CNTN3: variants seen among roughly 807,000 people sequenced by gnomAD.
The protein encoded by CNTN3 is contactin-3.
A neutral mutation model predicts 119.1 loss-of-function variants in CNTN3; 60 were observed. That is an observed-to-expected ratio of 0.50 (90% CI 0.41 to 0.62). The LOEUF is 0.62. Ranked by LOEUF, CNTN3 falls within the 20% of genes least tolerant of loss-of-function variation. CNTN3 has a pLI of 0.00. For synonymous variants in CNTN3, 450 were observed against 438.7 expected (o/e 1.03, Z -0.32); for missense variants, 1,101 against 1,242.4 (o/e 0.89, Z 1.71).
At chr3:74,331,702 A>T (rs562600395) in intron 13 of CNTN3, among the ~76,000 whole-genome samples, 1 of 152,298 alleles carries the variant, frequency 6.6e-6, no homozygotes, top group Non-Finnish European at 1.5e-5. Context: ...TTTCCTGCTG[A>T]TTTAATGATA....
In CNTN3 at chr3:74,442,321, C is replaced by T. The variant is rs117664506; in HGVS notation, c.359-17381G>A. Reference sequence around the variant, plus strand: ...TTCTAGGCTAAGGTCTATCACTAAACATGTCAGCTCTGCTTGCATTTGTAC... The same window carrying T: ...TTCTAGGCTAAGGTCTATCACTAAATATGTCAGCTCTGCTTGCATTTGTAC... On this transcript the variant is annotated intron_variant, in intron 4 of 22. Transcript: ENST00000263665. 9.9e-5 allele frequency among the ~76,000 whole-genome samples: 15 copies of T among 152,216 alleles called. No individual in the cohort carries two copies. The East Asian group carries it at 2.9e-3, about 30-fold the overall frequency.
intron 4 of CNTN3, among the ~76,000 whole-genome samples, chr3:74,466,018 C>T (rs1180212281): frequency 1.3e-5 from 2 of 152,176 alleles, no homozygotes; most frequent in Non-Finnish European, 1.5e-5. Flanking sequence ...TTTTCAGCTG[C>T]AGATGCCAAA....
intron 4 of CNTN3, among the ~76,000 whole-genome samples, chr3:74,450,396 A>G (rs1405328451): frequency 6.6e-6 from 1 of 152,046 alleles, no homozygotes. Flanking sequence ...GACTCTCCCT[A>G]TAAAGGTCTA....
intron 20 of CNTN3, among the ~76,000 whole-genome samples, chr3:74,277,910 T>A (rs969570402): frequency 6.6e-6 from 1 of 151,842 alleles, no homozygotes; most frequent in Non-Finnish European, 1.5e-5. Context: ...ATAAAATAAT[T>A]CAGCAGTTTC....
intron 4 of CNTN3, among the ~76,000 whole-genome samples, chr3:74,451,489 C>A (rs1435102136): frequency 1.3e-5 from 2 of 152,176 alleles, no homozygotes; most frequent in South Asian, 2.1e-4. Flanking sequence ...ATGGTAGTTT[C>A]TTTTGCCGTG....
chr3:74,299,928 C>T lies in CNTN3; in HGVS notation c.2106G>A (p.Val702=). The T allele has an allele frequency of 6.2e-7, 1 of 1,603,634 alleles. No individual in the cohort carries two copies. Among genetic ancestry groups the T allele is most frequent in the South Asian group, 1.1e-5 (1 of 88,548 alleles). ...CTCCTCCATTGACTTCAGAAGGAGG[C>T]ACTTCTGGAACTATACAGGTCAGAG... is the stretch of plus-strand genomic sequence containing the variant. ...KVRTEEAVPE[V]PPSEVNGGGG... The change falls in exon 17 of 23, where the codon GTG becomes GTA. Residue 702 remains valine (V), a synonymous_variant. Transcript: ENST00000263665.
chr3:74,598,950 A>G (rs750146794), intron 1 of CNTN3, among the ~76,000 whole-genome samples: 1 of 152,110 alleles, frequency 6.6e-6, no homozygotes, highest in African/African-American at 2.4e-5. Context: ...ATTTAGATGT[A>G]GAGATATTTT....
At chr3:74,507,626 C>CTTTTTTTTTTTTTTTTTTTTTTTTTTTTT (rs59540461) in intron 2 of CNTN3, among the ~76,000 whole-genome samples, 1 of 103,648 alleles carries the variant, frequency 9.6e-6, no homozygotes, top group Non-Finnish European at 1.8e-5. Flanking sequence ...TTCTTTCTTT[C>CTTTTTTTTTTTTTTTTTTTTTTTTTTTTT]TTTTTTTTTT....
At chr3:74,303,441 C>A (rs1702498335) in intron 13 of CNTN3, among the ~76,000 whole-genome samples, 1 of 152,040 alleles carries the variant, frequency 6.6e-6, no homozygotes, top group Non-Finnish European at 1.5e-5. Flanking sequence ...GTCTGTAATC[C>A]CAGCATTTTG....
intron 19 of CNTN3, among the ~76,000 whole-genome samples, chr3:74,286,779 T>C (rs1277253312): frequency 6.6e-6 from 1 of 152,168 alleles, no homozygotes; most frequent in Non-Finnish European, 1.5e-5. Context: ...TAAGACTGAA[T>C]TGTGGTTCTC....
intron 6 of CNTN3, 130 bp downstream of exon 6, chr3:74,371,066 A>G: frequency 4.5e-6 from 3 of 665,274 alleles, no homozygotes; most frequent in Non-Finnish European, 7.9e-6. Context: ...TTGTACTCAT[A>G]AAATAGTCTG....
chr3:74,586,616 T>C (rs1704597245), intron 1 of CNTN3, among the ~76,000 whole-genome samples: 1 of 152,038 alleles, frequency 6.6e-6, no homozygotes, highest in Non-Finnish European at 1.5e-5. Flanking sequence ...GCCTCAATTT[T>C]CCCATCTAAT....
intron 5 of CNTN3, among the ~76,000 whole-genome samples, chr3:74,382,052 T>C (rs572311864): frequency 3.3e-5 from 5 of 151,938 alleles, no homozygotes; most frequent in African/African-American, 1.2e-4. Flanking sequence ...CTACTAAAAA[T>C]ACAAAATTAG....
chr3:74,467,680 T>C (rs1448408709), intron 4 of CNTN3, among the ~76,000 whole-genome samples: 1 of 152,180 alleles, frequency 6.6e-6, no homozygotes, highest in Non-Finnish European at 1.5e-5. Flanking sequence ...TCACAAGCCA[T>C]TTGGTTTTAA....
chr3:74,592,973 T>C (rs548342092), intron 1 of CNTN3, among the ~76,000 whole-genome samples: 106 of 152,086 alleles, frequency 7.0e-4, no homozygotes, highest in African/African-American at 2.3e-3. Context: ...GGCACAACTA[T>C]AGTTTTAAAA....
At chr3:74,530,663 G>T (rs578214994) in intron 1 of CNTN3, among the ~76,000 whole-genome samples, 1 of 151,916 alleles carries the variant, frequency 6.6e-6, no homozygotes, top group Admixed American at 6.6e-5. Flanking sequence ...TTTCCTGTGC[G>T]CCAGACACAC....
intron 13 of CNTN3, among the ~76,000 whole-genome samples, chr3:74,304,416 T>C (rs1237859623): frequency 6.6e-6 from 1 of 152,210 alleles, no homozygotes; most frequent in Non-Finnish European, 1.5e-5. Flanking sequence ...TCATAGGAGG[T>C]TGATTATCAC....
chr3:74,453,123 T>C (rs1237529589), intron 4 of CNTN3, among the ~76,000 whole-genome samples: 2 of 152,084 alleles, frequency 1.3e-5, no homozygotes, highest in African/African-American at 4.8e-5. Context: ...CTGGCAGAAT[T>C]CGGCTGTGAA....
At chr3:74,275,001 G>A (rs961756282) in intron 20 of CNTN3, among the ~76,000 whole-genome samples, 1 of 151,964 alleles carries the variant, frequency 6.6e-6, no homozygotes, top group African/African-American at 2.4e-5. Flanking sequence ...ATATAGAAAT[G>A]CAAAATGCTC....
Sources: gnomAD v4.1 joint callset for allele counts (sites outside exome capture counted in the v4.1 genomes callset) on GRCh38, gnomAD v4.1.1 for gene constraint, MANE v1.5 for transcripts, NCBI Gene and HGNC (gene_info 2026-07-23, HGNC 2026-07-21) for gene names.